SAMD12: variants seen among roughly 807,000 people sequenced by gnomAD.
SAMD12 encodes sterile alpha motif domain containing 12, also known as sterile alpha motif domain-containing protein 12.
A neutral mutation model predicts 15.0 loss-of-function variants in SAMD12; 9 were observed. The observed-to-expected ratio is 0.60, with a 90% CI of 0.36 to 1.05. SAMD12 has a LOEUF of 1.05. Among genes scored for constraint, SAMD12 ranks in the 50% least tolerant of loss-of-function variants. The probability of loss-of-function intolerance (pLI) is 0.01; values close to 1 mark genes in which losing one functional copy is unlikely to be tolerated. For missense variants in SAMD12, 230 were observed against 234.2 expected (o/e 0.98, Z 0.12); for synonymous variants, 86 against 90.1 (o/e 0.96, Z 0.25).
intron 4 of SAMD12, among the ~76,000 whole-genome samples, chr8:118,297,652 G>C (rs180892638): frequency 6.6e-6 from 1 of 152,302 alleles, no homozygotes; most frequent in East Asian, 1.9e-4. Context: ...AGGAACGGCA[G>C]TGTTACACAC....
At chr8:118,566,226 G>C (rs557859225) in intron 2 of SAMD12, among the ~76,000 whole-genome samples, 1 of 152,228 alleles carries the variant, frequency 6.6e-6, no homozygotes, top group African/African-American at 2.4e-5. Context: ...TCCTACTTCA[G>C]GGTTATTTAT....
At chr8:118,581,687 T>G (rs1827301377) in intron 1 of SAMD12, among the ~76,000 whole-genome samples, 1 of 152,202 alleles carries the variant, frequency 6.6e-6, no homozygotes, top group Non-Finnish European at 1.5e-5. Context: ...CTATGTACCC[T>G]GTATTATCAA....
chr8:118,482,710 C>T (rs962310631), intron 2 of SAMD12, among the ~76,000 whole-genome samples: 2 of 152,188 alleles, frequency 1.3e-5, no homozygotes, highest in African/African-American at 2.4e-5. Context: ...GAATCAATCC[C>T]TCACAGGTAT....
intron 2 of SAMD12, among the ~76,000 whole-genome samples, chr8:118,467,533 C>G (rs1020533198): frequency 6.6e-6 from 1 of 152,164 alleles, no homozygotes; most frequent in Non-Finnish European, 1.5e-5. Flanking sequence ...TTGTGCACCC[C>G]TGCAGAACAT....
intron 3 of SAMD12, among the ~76,000 whole-genome samples, chr8:118,386,066 G>T (rs1427799704): frequency 1.3e-5 from 2 of 152,190 alleles, no homozygotes; most frequent in Non-Finnish European, 2.9e-5. Context: ...GCAAGAAAAG[G>T]TGAGGGATAA....
chr8:118,311,822 T>C (rs1220593070), intron 4 of SAMD12, among the ~76,000 whole-genome samples: 2 of 152,186 alleles, frequency 1.3e-5, no homozygotes, highest in African/African-American at 2.4e-5. Context: ...ATCACCATCC[T>C]TTTTTGATCA....
intron 4 of SAMD12, among the ~76,000 whole-genome samples, chr8:118,201,355 T>C (rs1474632044): frequency 1.3e-5 from 2 of 152,148 alleles, no homozygotes; most frequent in Non-Finnish European, 2.9e-5. Context: ...CCGCCCTCTT[T>C]CACAACCACC....
At chr8:118,519,930 GA>G (rs894818866) in intron 2 of SAMD12, among the ~76,000 whole-genome samples, 1 of 151,784 alleles carries the variant, frequency 6.6e-6, no homozygotes, top group African/African-American at 2.4e-5. Flanking sequence ...TCAGAGCATT[GA>G]AAAAAAAGTA....
chr8:118,438,533 G>A (rs1467353261), intron 3 of SAMD12, among the ~76,000 whole-genome samples: 2 of 151,966 alleles, frequency 1.3e-5, no homozygotes, highest in African/African-American at 4.8e-5. Flanking sequence ...TCTACCCAAA[G>A]CACACCCACA....
the SAMD12 span, among the ~76,000 whole-genome samples, chr8:118,174,914 A>T: frequency 2.6e-5 from 4 of 152,054 alleles, no homozygotes; most frequent in African/African-American, 9.7e-5. Flanking sequence ...ATAAGTTATA[A>T]ATATCATGGA....
the SAMD12 span, among the ~76,000 whole-genome samples, chr8:118,173,540 A>G: frequency 6.7e-6 from 1 of 148,180 alleles, no homozygotes; most frequent in Non-Finnish European, 1.5e-5. Context: ...GTTCTTGACC[A>G]TTATCTAATA....
intron 4 of SAMD12, among the ~76,000 whole-genome samples, chr8:118,302,089 T>TTTTTTTTTTTTTC: frequency 6.9e-6 from 1 of 145,018 alleles, no homozygotes; most frequent in African/African-American, 2.6e-5. Flanking sequence ...TTTTTTTTTT[T>TTTTTTTTTTTTTC]TTTTTTTTTT....
At chr8:118,218,040 C>G (rs1321283114) in intron 4 of SAMD12, among the ~76,000 whole-genome samples, 1 of 152,196 alleles carries the variant, frequency 6.6e-6, no homozygotes, top group East Asian at 1.9e-4. Flanking sequence ...ATGCAGCTCA[C>G]ACCAAGTATA....
chr8:118,603,689 A>C (rs1207260215), intron 1 of SAMD12, among the ~76,000 whole-genome samples: 1 of 152,228 alleles, frequency 6.6e-6, no homozygotes, highest in Non-Finnish European at 1.5e-5. Flanking sequence ...CACAAAGGCA[A>C]GAAAGGCATC....
intron 3 of SAMD12, among the ~76,000 whole-genome samples, chr8:118,403,656 CTA>C (rs1250278505): frequency 2.6e-5 from 4 of 152,114 alleles, no homozygotes; most frequent in Admixed American, 1.3e-4. Context: ...AAACAAAACC[CTA>C]GTTTCTTAAA....
chr8:118,592,124 C>A (rs565226315), intron 1 of SAMD12, among the ~76,000 whole-genome samples: 11 of 152,204 alleles, frequency 7.2e-5, no homozygotes, highest in African/African-American at 2.4e-4. Context: ...GAGTTCGAGA[C>A]CAGCCTGACC....
At chr8:118,299,548 G>A (rs1275452233) in intron 4 of SAMD12, among the ~76,000 whole-genome samples, 1 of 152,152 alleles carries the variant, frequency 6.6e-6, no homozygotes, top group Non-Finnish European at 1.5e-5. Flanking sequence ...AAGGTAAGGG[G>A]GGAATAGAGG....
chr8:118,511,243 A>G (rs1305735333), intron 2 of SAMD12, among the ~76,000 whole-genome samples: 1 of 152,222 alleles, frequency 6.6e-6, no homozygotes, highest in Admixed American at 6.5e-5. Context: ...AATGATGGGA[A>G]TGGGAAGGGG....
At chr8:118,173,435 G>C in the SAMD12 span, among the ~76,000 whole-genome samples, 1 of 151,972 alleles carries the variant, frequency 6.6e-6, no homozygotes, top group Non-Finnish European at 1.5e-5. Flanking sequence ...CCATCTTATT[G>C]ACAAAGCAAG....
Sources: allele counts gnomAD v4.1 joint callset (sites outside exome capture counted in the v4.1 genomes callset), GRCh38; gene constraint gnomAD v4.1.1; transcripts MANE v1.5; gene names NCBI Gene and HGNC (gene_info 2026-07-23, HGNC 2026-07-21).